KIF26B: variants seen among roughly 807,000 people sequenced by gnomAD.
The protein encoded by KIF26B is kinesin family member 26B, also known as kinesin-like protein KIF26B.
KIF26B carries 63 observed loss-of-function variants against 151.2 expected under a neutral mutation model. The ratio of observed to expected loss-of-function variants is 0.42; its 90% confidence interval spans 0.34 to 0.51. The LOEUF is 0.51. KIF26B is among the 20% of genes least tolerant of loss of function. The pLI, the probability that KIF26B is intolerant of heterozygous loss-of-function variation, is 0.07. For missense variants in KIF26B, 2,813 were observed against 2,913.6 expected, an observed-to-expected ratio of 0.97 and a Z score of 0.79; for synonymous variants, 1,357 against 1,262.1, an observed-to-expected ratio of 1.08 and a Z score of -1.59.
intron 2 of KIF26B, among the ~76,000 whole-genome samples, chr1:245,255,884 T>G (rs1020070566): frequency 6.6e-6 from 1 of 152,234 alleles, no homozygotes; most frequent in African/African-American, 2.4e-5. Flanking sequence ...TAGACATGGT[T>G]CTTCTTTGGT....
intron 2 of KIF26B, among the ~76,000 whole-genome samples, chr1:245,157,406 T>G (rs970731886): frequency 6.6e-6 from 1 of 152,204 alleles, no homozygotes; most frequent in African/African-American, 2.4e-5. Flanking sequence ...TTCAAAGAGT[T>G]TTTATCAGTG....
intron 2 of KIF26B, among the ~76,000 whole-genome samples, chr1:245,270,428 CT>C (rs976337878): frequency 3.4e-5 from 5 of 145,050 alleles, no homozygotes; most frequent in African/African-American, 1.3e-4. Flanking sequence ...CTTTCCTTTC[CT>C]TTCTTTTTGT....
At chr1:245,457,483 G>T (rs146596823) in intron 4 of KIF26B, among the ~76,000 whole-genome samples, 218 of 152,216 alleles carry the variant, frequency 1.4e-3, no homozygotes, top group African/African-American at 4.6e-3. Flanking sequence ...ATATTAGAAA[G>T]ATTTTATCAA....
chr1:245,640,145 A>C (rs111312014), intron 9 of KIF26B, among the ~76,000 whole-genome samples: 2,641 of 20,234 alleles, frequency 0.13, 394 homozygotes, highest in East Asian at 0.19. Context: ...CTCTCTCTCT[A>C]TATATATATA....
intron 14 of KIF26B, among the ~76,000 whole-genome samples, chr1:245,699,557 T>A (rs1311172918): frequency 6.6e-6 from 1 of 151,582 alleles, no homozygotes; most frequent in Non-Finnish European, 1.5e-5. Context: ...AGGATGACCA[T>A]AACCATCTAA....
Position 245,375,206 on chromosome 1 carries a change from C to T in KIF26B, c.999+7839C>T, listed in dbSNP as rs1673244891. 6.6e-6 allele frequency among the ~76,000 whole-genome samples: 1 copy of T among 152,160 alleles called. No individual in the cohort carries two copies. Among genetic ancestry groups the T allele is most frequent in the Non-Finnish European group, 1.5e-5 (1 of 68,038 alleles). On this transcript the variant is annotated intron_variant, in intron 3 of 14. Transcript: ENST00000407071. The surrounding 1 kb of genome is among the most constrained non-coding windows in gnomAD (Gnocchi z 4.2). The stretch of plus-strand genomic sequence containing the variant: ...GGTTCAAGCGATTCTCCTGCCTCAA[C>T]CTCGGGATTACAGGCATGGACCACC...
At chr1:245,329,098 C>T (rs1558390781) in intron 2 of KIF26B, among the ~76,000 whole-genome samples, 3 of 152,088 alleles carry the variant, frequency 2.0e-5, no homozygotes, top group East Asian at 3.8e-4. Flanking sequence ...GCAAAGAGGT[C>T]GTATGTTTGG....
At chr1:245,261,114 C>T (rs112725104) in intron 2 of KIF26B, among the ~76,000 whole-genome samples, 1 of 149,474 alleles carries the variant, frequency 6.7e-6, no homozygotes, top group East Asian at 2.0e-4. Flanking sequence ...TTCCTTCCTC[C>T]GTTCCTTCCT....
intron 10 of KIF26B, among the ~76,000 whole-genome samples, chr1:245,681,491 G>A (rs1299134520): frequency 6.6e-6 from 1 of 152,138 alleles, no homozygotes; most frequent in East Asian, 1.9e-4. Flanking sequence ...TTACAGGCAT[G>A]AGCCACCGCG....
intron 3 of KIF26B, among the ~76,000 whole-genome samples, chr1:245,402,535 A>G (rs1674032047): frequency 6.6e-6 from 1 of 152,190 alleles, no homozygotes; most frequent in African/African-American, 2.4e-5. Flanking sequence ...CTTCCCAATG[A>G]CTAGTTAAAA....
intron 2 of KIF26B, among the ~76,000 whole-genome samples, chr1:245,231,330 C>T (rs1018408889): frequency 6.6e-6 from 1 of 152,044 alleles, no homozygotes. Context: ...GCCTGGCCAA[C>T]ATGGTGAAAC....
intron 2 of KIF26B, among the ~76,000 whole-genome samples, chr1:245,268,538 G>C (rs930455994): frequency 5.8e-4 from 87 of 148,886 alleles, no homozygotes; most frequent in African/African-American, 2.0e-3. Flanking sequence ...TTAAAAATTG[G>C]GATTTTAGAC....
At chr1:245,539,724 C>T (rs999264761) in intron 4 of KIF26B, among the ~76,000 whole-genome samples, 2 of 152,196 alleles carry the variant, frequency 1.3e-5, no homozygotes, top group Non-Finnish European at 2.9e-5. Context: ...GCTATCTGGG[C>T]TCACTGCAAC....
chr1:245,170,253 A>G lies in KIF26B; in HGVS notation c.465+13570A>G, dbSNP rs1668687118. 6.6e-6 allele frequency among the ~76,000 whole-genome samples: 1 copy of G among 152,158 alleles called. No homozygotes were observed. Among genetic ancestry groups the G allele is most frequent in the African/African-American group, 2.4e-5 (1 of 41,420 alleles). On this transcript the variant is annotated intron_variant, in intron 2 of 14. Coordinates refer to ENST00000407071, the MANE Select transcript of KIF26B (RefSeq NM_018012.4). This position sits in a 1 kb window ranked among gnomAD's most constrained non-coding sequence, Gnocchi z 4.4. The stretch of plus-strand genomic sequence containing the variant: ...TTCACAGGGAGCACAGAGTAAGAGC[A>G]GCGCCTTCACCTCGGTGGAGCTTAG...
intron 2 of KIF26B, among the ~76,000 whole-genome samples, chr1:245,209,428 AAAAAG>A (rs1337788677): frequency 6.6e-6 from 1 of 152,110 alleles, no homozygotes; most frequent in Non-Finnish European, 1.5e-5. Context: ...AAAAAAATAA[AAAAAG>A]AAAACATTAA....
At chr1:245,388,577 C>T (rs74153561) in intron 3 of KIF26B, among the ~76,000 whole-genome samples, 5,408 of 152,234 alleles carry the variant, frequency 0.036, 127 homozygotes, top group African/African-American at 0.056. Flanking sequence ...GAGTAGGTCC[C>T]TCGTTCCTTC....
At chr1:245,662,965 C>CTT (rs58163033) in intron 10 of KIF26B, among the ~76,000 whole-genome samples, 20 of 146,564 alleles carry the variant, frequency 1.4e-4, no homozygotes, top group African/African-American at 5.0e-4. Context: ...TCACCTCTGT[C>CTT]TTTTTTTTTT....
At chr1:245,278,271 G>T (rs1004455636) in intron 2 of KIF26B, among the ~76,000 whole-genome samples, 2 of 152,086 alleles carry the variant, frequency 1.3e-5, no homozygotes, top group Non-Finnish European at 2.9e-5. Flanking sequence ...TCCTGTTTCA[G>T]TCAGCAGGAC....
intron 6 of KIF26B, among the ~76,000 whole-genome samples, chr1:245,607,176 C>T (rs181528481): frequency 2.0e-4 from 30 of 151,872 alleles, no homozygotes; most frequent in African/African-American, 5.1e-4. Flanking sequence ...GTGAGAACTA[C>T]GGTGTTTCTC....
Sources: gnomAD v4.1 joint callset for allele counts (sites outside exome capture counted in the v4.1 genomes callset) on GRCh38, gnomAD v4.1.1 for gene constraint, Gnocchi (gnomAD v3.1) non-coding constraint, MANE v1.5 for transcripts, NCBI Gene and HGNC (gene_info 2026-07-23, HGNC 2026-07-21) for gene names.